Variants in IL1RAPL1 observed in about 807,000 individuals in gnomAD.
The protein encoded by IL1RAPL1 is interleukin 1 receptor accessory protein like 1, also known as interleukin-1 receptor accessory protein-like 1.
Under a neutral mutation model 48.4 loss-of-function variants are expected in IL1RAPL1, and 3 were observed. The ratio of observed to expected loss-of-function variants is 0.06; its 90% CI spans 0.03 to 0.16. The LOEUF (loss-of-function observed/expected upper bound fraction) is 0.16. Among genes scored for constraint, IL1RAPL1 ranks in the 10% least tolerant of loss-of-function variants. IL1RAPL1 has a pLI of 1.00. For synonymous variants in IL1RAPL1, 185 were observed against 187.7 expected (o/e 0.99, Z 0.12); for missense variants, 349 against 530.6 (o/e 0.66, Z 3.36).
intron 3 of IL1RAPL1, among the ~76,000 whole-genome samples, chrX:29,390,547 A>G (rs1375373725): frequency 8.9e-6 from 1 of 111,818 alleles, no homozygotes; most frequent in African/African-American, 3.3e-5. Flanking sequence ...GGACTTGAGG[A>G]TTAGCAGAAT....
chrX:28,907,357 C>T (rs761940827), intron 2 of IL1RAPL1, among the ~76,000 whole-genome samples: 6 of 111,785 alleles, frequency 5.4e-5, no homozygotes, highest in South Asian at 7.5e-4. Context: ...CGGGTTTGAG[C>T]GATTCTTGTG....
At chrX:28,759,081 A>G (rs1335455399) in intron 1 of IL1RAPL1, among the ~76,000 whole-genome samples, 3 of 111,055 alleles carry the variant, frequency 2.7e-5, no homozygotes, top group African/African-American at 9.8e-5. Flanking sequence ...TACTAAAAAT[A>G]CCAAAAATTA....
intron 2 of IL1RAPL1, among the ~76,000 whole-genome samples, chrX:28,992,489 C>CAAAAAAAAAAAGAAAAAA (rs773680427): frequency 6.1e-5 from 1 of 16,524 alleles, no homozygotes; most frequent in African/African-American, 2.1e-4. Context: ...GACTCTGTCT[C>CAAAAAAAAAAAGAAAAAA]AAAAAAAAAA....
chrX:29,390,760 T>A (rs1412029676), intron 3 of IL1RAPL1, among the ~76,000 whole-genome samples: 1 of 112,434 alleles, frequency 8.9e-6, no homozygotes, highest in African/African-American at 3.2e-5. Context: ...ATCAGTGATA[T>A]ACAAAATTTC....
intron 1 of IL1RAPL1, chrX:28,659,354 G>C (rs1235463341): frequency 2.2e-5 from 12 of 551,250 alleles, no homozygotes; most frequent in Non-Finnish European, 4.0e-5. Flanking sequence ...GTAACGATGA[G>C]GTTTCTCCAC....
chrX:29,322,879 T>C (rs1932813777), intron 3 of IL1RAPL1, among the ~76,000 whole-genome samples: 1 of 111,993 alleles, frequency 8.9e-6, no homozygotes, highest in African/African-American at 3.2e-5. Flanking sequence ...AAAGGAGAAT[T>C]CAAAACTGGC....
At chrX:29,532,509 A>T (rs192583179) in intron 5 of IL1RAPL1, among the ~76,000 whole-genome samples, 11 of 111,372 alleles carry the variant, frequency 9.9e-5, no homozygotes, top group African/African-American at 2.6e-4. Context: ...TGACACTAAT[A>T]ACCAAATCTT....
rs371924976 is a variant in IL1RAPL1, at chrX:29,002,916, T to TACACACACAC, written c.82+213508_82+213517dup. On this transcript the variant is annotated intron_variant, in intron 2 of 10. Coordinates refer to ENST00000378993, the MANE Select transcript of IL1RAPL1 (RefSeq NM_014271.4). Reference sequence around the variant, plus strand: ...TAAGGAAATCAACCAGTTATGTGTGTACACACACACACACACACACACACA... The same window carrying TACACACACAC: ...TAAGGAAATCAACCAGTTATGTGTGTACACACACACACACACACACACACACACACACACA... Among the ~76,000 whole-genome samples, 84 of 103,002 alleles carry TACACACACAC rather than the reference T, an allele frequency of 8.2e-4. 1 individual carries two copies. The highest frequency in any genetic ancestry group is 2.8e-3 in the African/African-American group (78 of 28,086). The allele number at this position is 103,002 out of a possible 115,157, so 89.4% of individuals were successfully genotyped here. A position where few individuals can be genotyped will look rare whatever the true frequency, so the allele number is the denominator to read the frequency against.
intron 2 of IL1RAPL1, among the ~76,000 whole-genome samples, chrX:29,066,854 C>T (rs767398235): frequency 1.3e-4 from 15 of 111,833 alleles, no homozygotes; most frequent in Admixed American, 1.0e-3. Context: ...TGCTGGTAGC[C>T]TGCTGCTCTT....
chrX:28,655,860 T>C (rs1478996135), intron 1 of IL1RAPL1, among the ~76,000 whole-genome samples: 1 of 111,940 alleles, frequency 8.9e-6, no homozygotes, highest in East Asian at 2.8e-4. Context: ...TTCTTTGGGA[T>C]GAAAGCTTCT....
chrX:29,464,605 G>A (rs1006334910), intron 5 of IL1RAPL1, among the ~76,000 whole-genome samples: 10 of 111,995 alleles, frequency 8.9e-5, no homozygotes, highest in Non-Finnish European at 1.5e-4. Flanking sequence ...AATATATAAT[G>A]TTCTGTCATA....
At chrX:29,263,866 C>G (rs759454984) in intron 2 of IL1RAPL1, among the ~76,000 whole-genome samples, 167 of 98,758 alleles carry the variant, frequency 1.7e-3, no homozygotes, top group Non-Finnish European at 4.1e-4. Flanking sequence ...TCTCTCCCCC[C>G]CCCCCGCTCT....
Position 29,877,750 on chromosome X carries a change from C to T in IL1RAPL1, c.779-39714C>T, listed in dbSNP as rs140120139. Among the ~76,000 whole-genome samples the T allele has an allele frequency of 5.0e-3, 555 of 111,625 alleles. 2 individuals are homozygous for T. Among genetic ancestry groups the T allele is most frequent in the African/African-American group, 0.018 (544 of 30,805 alleles). On this transcript the variant is annotated intron_variant, in intron 6 of 10. Transcript: ENST00000378993. ...AGTGAGAAATGTCTAATGTGAGTCC[C>T]TGGTACCTGTGATTTTCAAAATTAT... is the stretch of plus-strand genomic sequence containing the variant.
intron 1 of IL1RAPL1, among the ~76,000 whole-genome samples, chrX:28,592,557 C>T (rs1933916676): frequency 8.9e-6 from 1 of 111,755 alleles, no homozygotes; most frequent in Non-Finnish European, 1.9e-5. Context: ...GTTCTTGTAT[C>T]TTAACAGAAT....
chrX:28,865,561 A>G (rs1212201833), intron 2 of IL1RAPL1, among the ~76,000 whole-genome samples: 2 of 112,116 alleles, frequency 1.8e-5, no homozygotes, highest in African/African-American at 6.5e-5. Flanking sequence ...CATGGAAGAG[A>G]TCTGAATTGC....
intron 6 of IL1RAPL1, among the ~76,000 whole-genome samples, chrX:29,907,334 ATC>A (rs1436073705): frequency 1.4e-4 from 14 of 99,483 alleles, no homozygotes; most frequent in Non-Finnish European, 2.6e-4. Context: ...ATAAATTTAA[ATC>A]TTTTAATCTT....
chrX:29,501,079 G>T (rs2147759847), intron 5 of IL1RAPL1, among the ~76,000 whole-genome samples: 1 of 111,360 alleles, frequency 9.0e-6, no homozygotes, highest in East Asian at 2.8e-4. Flanking sequence ...ATATCTGTTG[G>T]CCATTTGTAT....
chrX:29,471,451 C>A (rs914976312), intron 5 of IL1RAPL1, among the ~76,000 whole-genome samples: 24 of 110,757 alleles, frequency 2.2e-4, no homozygotes, highest in African/African-American at 6.9e-4. Context: ...GGGTATGTAT[C>A]CTGGAAGATT....
intron 3 of IL1RAPL1, among the ~76,000 whole-genome samples, chrX:29,342,156 T>TGTG (rs1569290855): frequency 1.1e-4 from 7 of 64,811 alleles, no homozygotes; most frequent in Non-Finnish European, 1.8e-4. Context: ...GTGTGTGTGT[T>TGTG]TGTTTTGTTT....
Sources: gnomAD v4.1 joint callset for allele counts (sites outside exome capture counted in the v4.1 genomes callset) on GRCh38, gnomAD v4.1.1 for gene constraint, MANE v1.5 for transcripts, NCBI Gene and HGNC (gene_info 2026-07-23, HGNC 2026-07-21) for gene names.